ARHGAP15: variants seen among roughly 807,000 people sequenced by gnomAD.
The protein encoded by ARHGAP15 is Rho GTPase activating protein 15.
A neutral mutation model predicts 63.7 loss-of-function variants in ARHGAP15; 51 were observed. The ratio of observed to expected loss-of-function variants is 0.80; its 90% CI spans 0.64 to 1.01. The LOEUF is 1.01. Among genes scored for constraint, ARHGAP15 ranks in the 50% least tolerant of loss-of-function variants. The pLI is 0.00. For missense variants in ARHGAP15, 560 were observed against 564.6 expected (o/e 0.99, Z 0.08); for synonymous variants, 191 against 193.8 (o/e 0.99, Z 0.12).
At chr2:143,166,041 A>AAAG (rs1558787901) in intron 2 of ARHGAP15, among the ~76,000 whole-genome samples, 995 of 95,998 alleles carry the variant, frequency 0.01, 15 homozygotes, top group African/African-American at 0.035. Flanking sequence ...CAAAGGAAGA[A>AAAG]AAAGAAAGAA....
rs114826674 is a variant in ARHGAP15 at position 143,361,684 on chromosome 2, A to T, written c.475-73917A>T. Among the ~76,000 whole-genome samples, 1,463 of 148,850 alleles carry T rather than the reference A, an allele frequency of 9.8e-3. 20 individuals are homozygous for T. The highest frequency in any genetic ancestry group is 0.033 in the African/African-American group (1,354 of 40,810). On this transcript the variant is annotated intron_variant, in intron 6 of 13. Transcript: ENST00000295095. Reference sequence around the variant, plus strand: ...ATGAGACACATGGACTTTGGGATTTAAAAAAAAAAATTCTGCTTCCTCTTC... The same window carrying T: ...ATGAGACACATGGACTTTGGGATTTTAAAAAAAAAATTCTGCTTCCTCTTC...
rs1396260884 is a variant in ARHGAP15, at chr2:143,315,117, C to A, written c.474+64517C>A. The stretch of plus-strand genomic sequence containing the variant: ...TGCAGATTACAATGAGTTCTTGCAG[C>A]AACAATTATATTTCACTTAATACTT... On this transcript the variant is annotated intron_variant, in intron 6 of 13. Coordinates refer to ENST00000295095, the MANE Select transcript of ARHGAP15 (RefSeq NM_018460.4). 2.6e-5 allele frequency among the ~76,000 whole-genome samples: 4 copies of A among 152,244 alleles called. No individual in the cohort carries two copies. In the East Asian group the frequency reaches 7.7e-4, roughly 29 times the overall value.
At chr2:143,734,455 C>A (rs571440756) in intron 13 of ARHGAP15, among the ~76,000 whole-genome samples, 1 of 152,286 alleles carries the variant, frequency 6.6e-6, no homozygotes, top group East Asian at 1.9e-4. Context: ...CCAAAACCCA[C>A]GCTAAAAATC....
In ARHGAP15 at chr2:143,466,481, G is replaced by A. The variant is rs561853348; in HGVS notation, c.704-20892G>A. Reference sequence around the variant, plus strand: ...ATTTGTCCAAGCATTCATACATTGTGTTTGGAGTATTAGTGGAAAAGAGTA... The same window carrying A: ...ATTTGTCCAAGCATTCATACATTGTATTTGGAGTATTAGTGGAAAAGAGTA... On this transcript the variant is annotated intron_variant, in intron 8 of 13. Coordinates refer to ENST00000295095, the MANE Select transcript of ARHGAP15 (RefSeq NM_018460.4). 3.3e-5 allele frequency among the ~76,000 whole-genome samples: 5 copies of A among 151,952 alleles called. No individual in the cohort carries two copies. In the South Asian group the frequency reaches 1.0e-3, roughly 32 times the overall value.
At chr2:143,243,469 T>G (rs1693939429) in intron 5 of ARHGAP15, among the ~76,000 whole-genome samples, 1 of 152,128 alleles carries the variant, frequency 6.6e-6, no homozygotes, top group South Asian at 2.1e-4. Flanking sequence ...TATTTTAAGT[T>G]TACCCCAGAA....
chr2:143,736,328 G>A lies in ARHGAP15; in HGVS notation c.1245-31661G>A, dbSNP rs900801493. 6.6e-5 allele frequency among the ~76,000 whole-genome samples: 10 copies of A among 152,002 alleles called. No homozygotes were observed. The South Asian group carries it at 1.5e-3, about 22-fold the overall frequency. On this transcript the variant is annotated intron_variant, in intron 13 of 13. Coordinates refer to ENST00000295095, the MANE Select transcript of ARHGAP15 (RefSeq NM_018460.4). ...GGAGATTCATTTGAACCCAGGAGGT[G>A]GAGGTTGCAGTGAGCCCAGATTGTA... is the stretch of plus-strand genomic sequence containing the variant.
At chr2:143,186,431 T>C (rs1387509315) in intron 2 of ARHGAP15, among the ~76,000 whole-genome samples, 5 of 152,170 alleles carry the variant, frequency 3.3e-5, no homozygotes, top group Non-Finnish European at 7.4e-5. Context: ...ATTAAACATG[T>C]CCTTTTTGCA....
intron 6 of ARHGAP15, among the ~76,000 whole-genome samples, chr2:143,390,989 A>G (rs765823564): frequency 8.5e-5 from 13 of 152,204 alleles, no homozygotes; most frequent in Non-Finnish European, 7.3e-5. Flanking sequence ...AGTTTGTGGT[A>G]ACACCAGCAC....
At chr2:143,553,061 C>A (rs1334218642) in intron 10 of ARHGAP15, among the ~76,000 whole-genome samples, 2 of 152,138 alleles carry the variant, frequency 1.3e-5, no homozygotes, top group Non-Finnish European at 2.9e-5. Flanking sequence ...TTTCAAAGTT[C>A]TTGGAGTAAA....
intron 12 of ARHGAP15, among the ~76,000 whole-genome samples, chr2:143,644,551 A>G (rs1680775235): frequency 6.6e-6 from 1 of 152,082 alleles, no homozygotes; most frequent in Non-Finnish European, 1.5e-5. Flanking sequence ...CCAAAGGACC[A>G]TACTTGGAGG....
intron 3 of ARHGAP15, among the ~76,000 whole-genome samples, chr2:143,213,249 C>G (rs192327753): frequency 6.6e-6 from 1 of 152,324 alleles, no homozygotes; most frequent in East Asian, 1.9e-4. Context: ...TGCGGTGGCT[C>G]ATGCCTGTAA....
At position 143,487,258 on chromosome 2, in the gene ARHGAP15, G is replaced by T. The variant is rs186486528; in HGVS notation, c.704-115G>T. 1.7e-3 allele frequency: 2,040 copies of T among 1,223,944 alleles called. 3 individuals are homozygous for T. Among genetic ancestry groups the T allele is most frequent in the South Asian group, 2.1e-3 (133 of 63,754 alleles). 75.8% of individuals were successfully genotyped at this position (1,223,944 alleles called of 1,614,324 possible). ...TGGCTTGTTGTAGACAGAAGAGCCT[G>T]AGCTATTAATTCAGGTAGTTGTTTC... On this transcript the variant is annotated intron_variant, in intron 8 of 13. Transcript: ENST00000295095.
chr2:143,751,339 G>T (rs1009455355), intron 13 of ARHGAP15, among the ~76,000 whole-genome samples: 1 of 152,116 alleles, frequency 6.6e-6, no homozygotes, highest in African/African-American at 2.4e-5. Context: ...GGCAAACCCT[G>T]CAGGGGCTGA....
intron 6 of ARHGAP15, among the ~76,000 whole-genome samples, chr2:143,371,486 A>G (rs6729300): frequency 0.48 from 73,540 of 151,888 alleles, 18,826 homozygotes; most frequent in African/African-American, 0.64. Context: ...CTGCCTGTCT[A>G]TCTATCCGTC....
chr2:143,767,433 T>C (rs1368661701), intron 13 of ARHGAP15, among the ~76,000 whole-genome samples: 1 of 152,194 alleles, frequency 6.6e-6, no homozygotes, highest in Non-Finnish European at 1.5e-5. Context: ...CTAAATTGGC[T>C]GTCCAAATGA....
chr2:143,228,269 CAT>C (rs1693295867), intron 4 of ARHGAP15: 2 of 179,686 alleles, frequency 1.1e-5, no homozygotes, highest in South Asian at 1.9e-4. Flanking sequence ...GCTGTAAAAA[CAT>C]AAACTTTTTA....
At chr2:143,519,113 CAT>C (rs1693947403) in intron 9 of ARHGAP15, 151 bp from the exon 10 acceptor site, 1 of 520,232 alleles carries the variant, frequency 1.9e-6, no homozygotes, top group African/African-American at 2.0e-5. Flanking sequence ...TTGTGGTCTT[CAT>C]ATGTCTGCCA....
intron 8 of ARHGAP15, among the ~76,000 whole-genome samples, chr2:143,441,012 G>A (rs982099540): frequency 6.6e-6 from 1 of 152,062 alleles, no homozygotes; most frequent in East Asian, 1.9e-4. Flanking sequence ...ATAAAAATGG[G>A]TCTAATACTG....
intron 9 of ARHGAP15, among the ~76,000 whole-genome samples, chr2:143,513,413 T>C (rs1439971862): frequency 6.6e-6 from 1 of 152,190 alleles, no homozygotes; most frequent in Non-Finnish European, 1.5e-5. Flanking sequence ...TTCAAAATCC[T>C]CTTCCAGGTC....
Sources: allele counts gnomAD v4.1 joint callset (sites outside exome capture counted in the v4.1 genomes callset), GRCh38; gene constraint gnomAD v4.1.1; transcripts MANE v1.5; gene names NCBI Gene and HGNC (gene_info 2026-07-23, HGNC 2026-07-21).